The following ST6GALNAC5 variants were observed in gnomAD, a reference collection of about 807,000 sequenced individuals.
ST6GALNAC5 encodes ST6 N-acetylgalactosaminide alpha-2,6-sialyltransferase 5.
A neutral mutation model predicts 33.6 loss-of-function variants in ST6GALNAC5; 27 were observed. That is an observed-to-expected ratio of 0.80 (90% CI 0.59 to 1.11). The LOEUF (loss-of-function observed/expected upper bound fraction) is 1.11. ST6GALNAC5 is among the 50% of genes least tolerant of loss of function. The pLI is 0.00. For missense variants in ST6GALNAC5, 428 were observed against 454.0 expected (o/e 0.94, Z 0.52); for synonymous variants, 194 against 171.2 (o/e 1.13, Z -1.04).
At chr1:76,942,317 G>T (rs1008123319) in intron 2 of ST6GALNAC5, among the ~76,000 whole-genome samples, 6 of 152,122 alleles carry the variant, frequency 3.9e-5, no homozygotes, top group Non-Finnish European at 8.8e-5. Context: ...ATTAGCATTT[G>T]TTTCTCTTTT....
At chr1:76,949,856 G>C (rs1293840586) in intron 2 of ST6GALNAC5, among the ~76,000 whole-genome samples, 3 of 152,086 alleles carry the variant, frequency 2.0e-5, no homozygotes, top group Admixed American at 6.5e-5. Flanking sequence ...TTTTTAGTCA[G>C]TGCAGCTACC....
chr1:76,982,768 T>G (rs113158716), intron 2 of ST6GALNAC5, among the ~76,000 whole-genome samples: 1,646 of 152,178 alleles, frequency 0.011, 33 homozygotes, highest in African/African-American at 0.038. Context: ...GAAAGAAAGG[T>G]CGGGTTACCC....
intron 2 of ST6GALNAC5, among the ~76,000 whole-genome samples, chr1:76,956,032 A>G (rs1278504933): frequency 6.6e-6 from 1 of 152,206 alleles, no homozygotes; most frequent in African/African-American, 2.4e-5. Flanking sequence ...TCCCTTCTCT[A>G]ATTTCTTTTA....
intron 2 of ST6GALNAC5, among the ~76,000 whole-genome samples, chr1:76,968,966 C>T (rs986037037): frequency 6.6e-6 from 1 of 152,224 alleles, no homozygotes; most frequent in African/African-American, 2.4e-5. Flanking sequence ...CACTGATGGT[C>T]TTCCCTTTGT....
At chr1:76,959,049 C>G (rs1384021364) in intron 2 of ST6GALNAC5, among the ~76,000 whole-genome samples, 1 of 152,198 alleles carries the variant, frequency 6.6e-6, no homozygotes, top group Non-Finnish European at 1.5e-5. Context: ...CTTTCGGCTC[C>G]AGCAAGGCCT....
In ST6GALNAC5 at chr1:77,063,118, C is replaced by T. The variant is rs1442914380; in HGVS notation, c.923C>T (p.Ala308Val). 2 of 1,613,774 alleles carry T rather than the reference C, an allele frequency of 1.2e-6. No individual in the cohort carries two copies. Among genetic ancestry groups the T allele is most frequent in the African/African-American group, 2.7e-5 (2 of 74,924 alleles). ...ITEKRVFKNW[A>V]RTFNIHFFQP... ...GAGAAACGAGTCTTTAAGAACTGGGCACGGACATTCAATATTCACTTTTTT... is the reference window on the plus strand; with the variant it reads ...GAGAAACGAGTCTTTAAGAACTGGGTACGGACATTCAATATTCACTTTTTT... The change falls in exon 5 of 5, where the codon GCA becomes GTA. Residue 308 changes from alanine (A) to valine (V), a missense_variant. By Grantham distance (64) the Ala-to-Val change is moderately conservative. Transcript: ENST00000477717.
At chr1:76,985,757 T>C (rs1045219981) in intron 2 of ST6GALNAC5, among the ~76,000 whole-genome samples, 6 of 152,122 alleles carry the variant, frequency 3.9e-5, no homozygotes, top group South Asian at 2.1e-4. Flanking sequence ...CTTCAAACTA[T>C]ACTACAAGGC....
intron 2 of ST6GALNAC5, among the ~76,000 whole-genome samples, chr1:76,970,991 G>C (rs1289361270): frequency 6.6e-6 from 1 of 151,618 alleles, no homozygotes; most frequent in African/African-American, 2.4e-5. Flanking sequence ...GTTCTTTCTT[G>C]ATTGCACTGT....
chr1:76,916,746 G>T (rs1288796101), intron 2 of ST6GALNAC5, among the ~76,000 whole-genome samples: 1 of 151,802 alleles, frequency 6.6e-6, no homozygotes, highest in Non-Finnish European at 1.5e-5. Context: ...TGAGATTTTT[G>T]TTTCTTTTTA....
intron 2 of ST6GALNAC5, among the ~76,000 whole-genome samples, chr1:77,017,547 A>G (rs894933700): frequency 8.5e-5 from 13 of 152,182 alleles, no homozygotes; most frequent in South Asian, 8.3e-4. Context: ...CCAGGGATCC[A>G]GGTCCTCTGA....
intron 2 of ST6GALNAC5, among the ~76,000 whole-genome samples, chr1:77,029,033 G>A (rs886884951): frequency 4.6e-5 from 7 of 152,188 alleles, no homozygotes; most frequent in Non-Finnish European, 7.4e-5. Context: ...GTGTGGGCAT[G>A]TGTAGAGTTC....
intron 2 of ST6GALNAC5, among the ~76,000 whole-genome samples, chr1:76,886,446 A>G (rs1653897317): frequency 1.3e-5 from 2 of 152,164 alleles, no homozygotes. Context: ...TTATGTCATT[A>G]GAGACATTGG....
At chr1:76,978,265 T>C (rs1649102559) in intron 2 of ST6GALNAC5, among the ~76,000 whole-genome samples, 1 of 152,220 alleles carries the variant, frequency 6.6e-6, no homozygotes. Context: ...TCTCCTATTC[T>C]GTAGGTTGTT....
chr1:77,021,299 A>T (rs1005285225), intron 2 of ST6GALNAC5, among the ~76,000 whole-genome samples: 1 of 152,152 alleles, frequency 6.6e-6, no homozygotes, highest in Non-Finnish European at 1.5e-5. Context: ...AATCCAAGAA[A>T]CCAAATTGGT....
intron 2 of ST6GALNAC5, among the ~76,000 whole-genome samples, chr1:76,937,295 C>T (rs974978273): frequency 6.6e-6 from 1 of 151,842 alleles, no homozygotes; most frequent in Non-Finnish European, 1.5e-5. Context: ...AAAAGTTTTG[C>T]AAAATCACAC....
intron 4 of ST6GALNAC5, among the ~76,000 whole-genome samples, chr1:77,057,880 C>CT (rs1652451952): frequency 6.6e-6 from 1 of 152,122 alleles, no homozygotes; most frequent in Non-Finnish European, 1.5e-5. Flanking sequence ...TAAAACTTAG[C>CT]TTTAGAAGAG....
chr1:76,993,607 G>A (rs1328443706), intron 2 of ST6GALNAC5, among the ~76,000 whole-genome samples: 1 of 152,012 alleles, frequency 6.6e-6, no homozygotes, highest in Non-Finnish European at 1.5e-5. Context: ...TACTTATCTG[G>A]CAAATCTCTG....
chr1:76,991,549 C>T (rs1305724289), intron 2 of ST6GALNAC5, among the ~76,000 whole-genome samples: 1 of 152,160 alleles, frequency 6.6e-6, no homozygotes, highest in Non-Finnish European at 1.5e-5. Context: ...CTCTTTCCAC[C>T]CTTATTTTAA....
intron 2 of ST6GALNAC5, among the ~76,000 whole-genome samples, chr1:76,953,986 T>G (rs1380839732): frequency 6.6e-6 from 1 of 152,164 alleles, no homozygotes; most frequent in Non-Finnish European, 1.5e-5. Context: ...GCGTAACAAC[T>G]AGCTCACAAA....
Sources: allele counts gnomAD v4.1 joint callset (sites outside exome capture counted in the v4.1 genomes callset), GRCh38; gene constraint gnomAD v4.1.1; transcripts MANE v1.5; gene names NCBI Gene and HGNC (gene_info 2026-07-23, HGNC 2026-07-21).